SPAST: variants seen among roughly 807,000 people sequenced by gnomAD.
The protein encoded by SPAST is spastin.
SPAST carries 30 observed loss-of-function variants against 76.6 expected under a neutral mutation model. The ratio of observed to expected loss-of-function variants is 0.39; its 90% CI spans 0.29 to 0.53. The LOEUF is 0.53. SPAST is among the 20% of genes least tolerant of loss of function. The probability of loss-of-function intolerance (pLI) is 0.68; values close to 1 mark genes in which losing one functional copy is unlikely to be tolerated. For missense variants in SPAST, 717 were observed against 770.5 expected, an observed-to-expected ratio of 0.93 and a Z score of 0.82; for synonymous variants, 305 against 281.0, an observed-to-expected ratio of 1.09 and a Z score of -0.86.
chr2:32,119,565 C>T (rs537701329), intron 7 of SPAST, among the ~76,000 whole-genome samples: 18 of 152,298 alleles, frequency 1.2e-4, no homozygotes, highest in Middle Eastern at 3.4e-3. Flanking sequence ...AAATCTTGCT[C>T]ATTCATGAAG....
At chr2:32,072,208 A>T (rs916918227) in intron 1 of SPAST, among the ~76,000 whole-genome samples, 3 of 151,166 alleles carry the variant, frequency 2.0e-5, no homozygotes, top group African/African-American at 7.3e-5. Flanking sequence ...ATGCCCAGCT[A>T]TTTTTTTTGT....
intron 15 of SPAST, among the ~76,000 whole-genome samples, chr2:32,146,851 CAAAAAAAAAA>C (rs397984237): frequency 7.3e-4 from 14 of 19,238 alleles, no homozygotes; most frequent in East Asian, 2.0e-3. Flanking sequence ...GACTCTGTCT[CAAAAAAAAAA>C]AAAAAAAAAA....
intron 1 of SPAST, among the ~76,000 whole-genome samples, chr2:32,068,173 T>C (rs1340813226): frequency 1.3e-5 from 2 of 151,786 alleles, no homozygotes; most frequent in South Asian, 4.2e-4. Context: ...AGAGACGGGG[T>C]TTCACTGTGT....
At chr2:32,069,464 T>C (rs1676660306) in intron 1 of SPAST, among the ~76,000 whole-genome samples, 1 of 152,000 alleles carries the variant, frequency 6.6e-6, no homozygotes, top group Non-Finnish European at 1.5e-5. Context: ...GAATAGGCAG[T>C]CTCTTCAAAG....
chr2:32,129,795 T>C (rs1396295961), intron 9 of SPAST: 1 of 152,306 alleles, frequency 6.6e-6, no homozygotes, highest in Non-Finnish European at 1.5e-5. Flanking sequence ...GCCCAGAAGT[T>C]GGAGACCAGC....
chr2:32,126,303 T>G (rs1443459156), intron 7 of SPAST, among the ~76,000 whole-genome samples: 1 of 152,172 alleles, frequency 6.6e-6, no homozygotes, highest in Non-Finnish European at 1.5e-5. Context: ...TTTGTGGAAT[T>G]CATTGTGTTA....
rs778861675 is a variant in SPAST, at chr2:32,063,885, CCCG to C, written c.55_57del (p.Pro19del). Reference sequence around the variant, plus strand: ...AGAAAGGCTCCGGCGGCGCCAGCAACCCGGTGCCTCCCAGGCCTCCGCCCCCTT... The same window carrying C: ...AGAAAGGCTCCGGCGGCGCCAGCAACGTGCCTCCCAGGCCTCCGCCCCCTT... On this transcript the variant is annotated inframe_deletion, in exon 1 of 17. Transcript: ENST00000315285. The C allele has an allele frequency of 2.5e-6, 4 of 1,582,814 alleles. No individual in the cohort carries two copies. Among genetic ancestry groups the C allele is most frequent in the Non-Finnish European group, 1.7e-6 (2 of 1,167,526 alleles).
intron 4 of SPAST, among the ~76,000 whole-genome samples, chr2:32,110,497 A>G (rs1440070135): frequency 7.4e-6 from 1 of 134,784 alleles, no homozygotes; most frequent in Non-Finnish European, 1.6e-5. Flanking sequence ...AACTATATAT[A>G]TAGTATATAT....
intron 3 of SPAST, among the ~76,000 whole-genome samples, chr2:32,095,672 G>A (rs1031321270): frequency 1.3e-5 from 2 of 152,050 alleles, no homozygotes; most frequent in African/African-American, 2.4e-5. Context: ...TCAGGAGGTC[G>A]AGACTGCAGT....
intron 1 of SPAST, among the ~76,000 whole-genome samples, chr2:32,078,498 A>G (rs1180801369): frequency 2.6e-5 from 4 of 152,148 alleles, no homozygotes; most frequent in Non-Finnish European, 4.4e-5. Flanking sequence ...CAATTAAAAA[A>G]TATTAGCCCA....
chr2:32,109,817 C>T (rs1472448786), intron 4 of SPAST, among the ~76,000 whole-genome samples: 1 of 148,586 alleles, frequency 6.7e-6, no homozygotes, highest in Non-Finnish European at 1.5e-5. Context: ...TACACACATA[C>T]ATATATAGTT....
chr2:32,153,880 C>T (rs1680167478), intron 16 of SPAST, among the ~76,000 whole-genome samples: 1 of 152,008 alleles, frequency 6.6e-6, no homozygotes, highest in African/African-American at 2.4e-5. Flanking sequence ...AGTTCAGGAC[C>T]AACCTGGCCA....
At chr2:32,077,353 G>C (rs1677005717) in intron 1 of SPAST, among the ~76,000 whole-genome samples, 1 of 152,092 alleles carries the variant, frequency 6.6e-6, no homozygotes. Context: ...GCAAATGTCA[G>C]GAACATACAA....
chr2:32,108,768 T>TC (rs1287658169), intron 4 of SPAST, among the ~76,000 whole-genome samples: 1 of 140,714 alleles, frequency 7.1e-6, no homozygotes, highest in Non-Finnish European at 1.5e-5. Context: ...CTTTTTTTTT[T>TC]TTTTTTTTTT....
At chr2:32,085,177 C>T (rs1266263677) in intron 1 of SPAST, among the ~76,000 whole-genome samples, 1 of 148,850 alleles carries the variant, frequency 6.7e-6, no homozygotes. Context: ...TTATAACAAA[C>T]TCTTAATAAT....
In SPAST at chr2:32,104,780, C is replaced by T. The variant is rs535398153; in HGVS notation, c.682+5889C>T. Among the ~76,000 whole-genome samples, 3 of 152,280 alleles carry T rather than the reference C, an allele frequency of 2.0e-5. No individual in the cohort carries two copies. The South Asian group carries it at 6.2e-4, about 32-fold the overall frequency. On this transcript the variant is annotated intron_variant, in intron 4 of 16. Transcript: ENST00000315285. ...CCTTTAAGAATGTTGAATATTGGCC[C>T]CCACTCTCTTCTGGTTTTTAGAGTT...
At chr2:32,138,049 C>G (rs1206436349) in intron 12 of SPAST, among the ~76,000 whole-genome samples, 2 of 152,168 alleles carry the variant, frequency 1.3e-5, no homozygotes, top group Non-Finnish European at 2.9e-5. Context: ...ACCACATTTT[C>G]TTTATCCAGT....
At chr2:32,106,318 G>T (rs1183873453) in intron 4 of SPAST, among the ~76,000 whole-genome samples, 3 of 152,202 alleles carry the variant, frequency 2.0e-5, no homozygotes, top group Non-Finnish European at 4.4e-5. Flanking sequence ...GAAAAGCCCA[G>T]TATTAGGGTG....
chr2:32,133,586 C>CT (rs1333909275), intron 9 of SPAST, among the ~76,000 whole-genome samples: 1 of 151,632 alleles, frequency 6.6e-6, no homozygotes, highest in African/African-American at 2.4e-5. Flanking sequence ...TGTAGTTGTG[C>CT]TTTTTTACAC....
Sources: allele counts gnomAD v4.1 joint callset (sites outside exome capture counted in the v4.1 genomes callset), GRCh38; gene constraint gnomAD v4.1.1; transcripts MANE v1.5; gene names NCBI Gene and HGNC (gene_info 2026-07-23, HGNC 2026-07-21).